GNG2: variants seen among roughly 807,000 people sequenced by gnomAD.
GNG2 encodes the protein G protein subunit gamma 2, also known as guanine nucleotide-binding protein G(I)/G(S)/G(O) subunit gamma-2.
In GNG2, 5 loss-of-function variants were observed where a neutral mutation model predicts 5.5. That is an observed-to-expected ratio of 0.91 (90% confidence interval 0.48 to 1.92). The LOEUF (loss-of-function observed/expected upper bound fraction) is 1.92. Among genes scored for constraint, GNG2 ranks in the 30% most tolerant of loss-of-function variants. The probability of loss-of-function intolerance (pLI) is 0.01; values close to 1 mark genes in which losing one functional copy is unlikely to be tolerated. For synonymous variants in GNG2, 28 were observed against 32.0 expected, an observed-to-expected ratio of 0.88 and a Z score of 0.42; for missense variants, 55 against 88.4, an observed-to-expected ratio of 0.62 and a Z score of 1.52.
chr14:51,935,906 A>G (rs1232139448), intron 2 of GNG2, among the ~76,000 whole-genome samples: 1 of 152,020 alleles, frequency 6.6e-6, no homozygotes, highest in East Asian at 1.9e-4. Flanking sequence ...TAAGTTTTTT[A>G]TTTGCAAAAT....
chr14:51,958,662 T>C (rs1391735846), intron 3 of GNG2, among the ~76,000 whole-genome samples: 2 of 152,044 alleles, frequency 1.3e-5, no homozygotes, highest in Non-Finnish European at 2.9e-5. Flanking sequence ...CATGGCCTCC[T>C]CTCCCCACAT....
chr14:51,931,974 C>T (rs1253700), intron 2 of GNG2, among the ~76,000 whole-genome samples: 85,391 of 151,714 alleles, frequency 0.56, 24,488 homozygotes, highest in African/African-American at 0.65. Context: ...GGGCCGGGCG[C>T]GGTGGCTCAC....
intron 2 of GNG2, among the ~76,000 whole-genome samples, chr14:51,837,276 G>A (rs910394894): frequency 2.0e-5 from 3 of 152,206 alleles, no homozygotes; most frequent in Non-Finnish European, 4.4e-5. Flanking sequence ...AAGTTGGGAT[G>A]AGAATAAAAG....
intron 2 of GNG2, chr14:51,917,344 G>A (rs780642943): frequency 1.1e-5 from 5 of 455,868 alleles, no homozygotes; most frequent in South Asian, 6.2e-5. Flanking sequence ...TGAGCCCCAA[G>A]TGTAAAGCAC....
intron 2 of GNG2, among the ~76,000 whole-genome samples, chr14:51,911,171 T>C (rs1405539181): frequency 6.6e-6 from 1 of 152,186 alleles, no homozygotes; most frequent in Admixed American, 6.5e-5. Flanking sequence ...CTTTGGCATG[T>C]GCAGCAATGC....
chr14:51,883,768 T>C (rs148715717), intron 2 of GNG2, among the ~76,000 whole-genome samples: 13 of 152,288 alleles, frequency 8.5e-5, no homozygotes, highest in Admixed American at 2.0e-4. Context: ...TATTGAAAGC[T>C]TTTTATGTAC....
chr14:51,900,357 C>G (rs11157865), intron 2 of GNG2, among the ~76,000 whole-genome samples: 1 of 151,502 alleles, frequency 6.6e-6, no homozygotes, highest in Non-Finnish European at 1.5e-5. Flanking sequence ...GATTAACTCA[C>G]TGAAGGAAAC....
intron 1 of GNG2, among the ~76,000 whole-genome samples, chr14:51,868,741 C>A (rs889678076): frequency 6.6e-6 from 1 of 152,176 alleles, no homozygotes; most frequent in Admixed American, 6.5e-5. Context: ...CAAACTATGT[C>A]TTTTTCCCTA....
At chr14:51,884,434 G>T (rs527930362) in intron 2 of GNG2, among the ~76,000 whole-genome samples, 7 of 152,162 alleles carry the variant, frequency 4.6e-5, no homozygotes, top group African/African-American at 1.4e-4. Flanking sequence ...ACCCTGCAAC[G>T]CAGGAACTGT....
chr14:51,847,813 T>C (rs566377493), intron 2 of GNG2, among the ~76,000 whole-genome samples: 67 of 147,468 alleles, frequency 4.5e-4, no homozygotes, highest in Non-Finnish European at 8.4e-4. Context: ...TTTTAAAAAG[T>C]CTTCTAATGG....
At chr14:51,958,665 C>T (rs566482291) in intron 3 of GNG2, among the ~76,000 whole-genome samples, 1 of 152,232 alleles carries the variant, frequency 6.6e-6, no homozygotes, top group Admixed American at 6.5e-5. Flanking sequence ...GGCCTCCTCT[C>T]CCCACATGGA....
At chr14:51,850,336 T>C (rs1440253841) in intron 2 of GNG2, among the ~76,000 whole-genome samples, 1 of 152,190 alleles carries the variant, frequency 6.6e-6, no homozygotes, top group Non-Finnish European at 1.5e-5. Context: ...TTTGCGGCAA[T>C]CTTATTTAAA....
At chr14:51,945,764 G>A (rs1888607156) in intron 2 of GNG2, among the ~76,000 whole-genome samples, 1 of 140,246 alleles carries the variant, frequency 7.1e-6, no homozygotes, top group Admixed American at 7.2e-5. Context: ...AAATGGAGGG[G>A]TGTGTGCATG....
chr14:51,925,787 ATT>A (rs11288986), intron 2 of GNG2, among the ~76,000 whole-genome samples: 186 of 147,158 alleles, frequency 1.3e-3, no homozygotes, highest in Middle Eastern at 0.011. Flanking sequence ...AATTTTTGTA[ATT>A]TTTTTTTTTT....
intron 1 of GNG2, among the ~76,000 whole-genome samples, chr14:51,862,440 G>A (rs931869504): frequency 1.3e-5 from 2 of 152,316 alleles, no homozygotes; most frequent in Non-Finnish European, 2.9e-5. Flanking sequence ...ATAGATCTTC[G>A]ATCCAGAATG....
At chr14:51,902,061 TAGG>T (rs1885605383) in intron 2 of GNG2, among the ~76,000 whole-genome samples, 1 of 151,640 alleles carries the variant, frequency 6.6e-6, no homozygotes, top group Non-Finnish European at 1.5e-5. Context: ...ATGTATATTT[TAGG>T]ATATAGTTAA....
At chr14:51,942,022 C>T (rs1350544025) in intron 2 of GNG2, among the ~76,000 whole-genome samples, 1 of 152,162 alleles carries the variant, frequency 6.6e-6, no homozygotes, top group East Asian at 1.9e-4. Context: ...TTTTTGCTTA[C>T]TGGCAAATAT....
rs1412051973 is a variant in GNG2 at position 51,967,392 on chromosome 14, TA to T, written c.*709del. 1 of 152,168 alleles carries T rather than the reference TA, an allele frequency of 6.6e-6. No homozygotes were observed. Among genetic ancestry groups the T allele is most frequent in the Non-Finnish European group, 1.5e-5 (1 of 68,032 alleles). 9.4% of individuals were successfully genotyped at this position (152,168 alleles called of 1,614,324 possible). A position where few individuals can be genotyped will look rare whatever the true frequency, so the allele number is the denominator to read the frequency against. ...TACATGATAGCTTTGATTCTGCAAGTAAAAGTAAATCCTGTGTTGTGACTGG... is the reference window on the plus strand; with the variant it reads ...TACATGATAGCTTTGATTCTGCAAGTAAAGTAAATCCTGTGTTGTGACTGG... On this transcript the variant is annotated 3_prime_UTR_variant, in exon 4 of 4. Coordinates refer to ENST00000556766, the MANE Select transcript of GNG2 (RefSeq NM_053064.5).
intron 2 of GNG2, among the ~76,000 whole-genome samples, chr14:51,909,560 T>TA (rs1424337534): frequency 2.6e-5 from 4 of 152,006 alleles, no homozygotes; most frequent in Non-Finnish European, 5.9e-5. Context: ...AAAAGGAAAA[T>TA]AAAGGGCCTG....
Sources: gnomAD v4.1 joint callset for allele counts (sites outside exome capture counted in the v4.1 genomes callset) on GRCh38, gnomAD v4.1.1 for gene constraint, MANE v1.5 for transcripts, NCBI Gene and HGNC (gene_info 2026-07-23, HGNC 2026-07-21) for gene names.